CBFA2T2: variants seen among roughly 807,000 people sequenced by gnomAD.
The protein encoded by CBFA2T2 is protein CBFA2T2.
CBFA2T2 carries 11 observed loss-of-function variants against 62.2 expected under a neutral mutation model. That is an observed-to-expected ratio of 0.18 (90% CI 0.11 to 0.29). The LOEUF is 0.29. CBFA2T2 is among the 10% of genes least tolerant of loss of function. The pLI, the probability that CBFA2T2 is intolerant of heterozygous loss-of-function variation, is 1.00. For missense variants in CBFA2T2, 592 were observed against 774.1 expected, an observed-to-expected ratio of 0.76 and a Z score of 2.79; for synonymous variants, 295 against 287.5, an observed-to-expected ratio of 1.03 and a Z score of -0.27.
At chr20:33,614,904 G>A (rs1473381887) in intron 3 of CBFA2T2, among the ~76,000 whole-genome samples, 1 of 152,184 alleles carries the variant, frequency 6.6e-6, no homozygotes, top group African/African-American at 2.4e-5. Context: ...CCAGCCAGTG[G>A]CCCAACCTTA....
chr20:33,635,019 T>G (rs897739967), intron 8 of CBFA2T2, among the ~76,000 whole-genome samples: 16 of 152,192 alleles, frequency 1.1e-4, no homozygotes, highest in African/African-American at 3.6e-4. Context: ...AAATCATGAA[T>G]TTCAAAAAGA....
chr20:33,556,755 A>G (rs2012906836), intron 1 of CBFA2T2, among the ~76,000 whole-genome samples: 1 of 152,082 alleles, frequency 6.6e-6, no homozygotes, highest in African/African-American at 2.4e-5. Flanking sequence ...TTCTAATTCC[A>G]TCATTGTTTC....
At chr20:33,509,556 G>A (rs1444009459) in intron 1 of CBFA2T2, among the ~76,000 whole-genome samples, 14 of 151,992 alleles carry the variant, frequency 9.2e-5, no homozygotes, top group Admixed American at 2.6e-4. Context: ...GGCTGGGCAC[G>A]GTGGCTCACA....
chr20:33,594,622 A>G (rs1163284430), intron 1 of CBFA2T2, among the ~76,000 whole-genome samples: 1 of 152,144 alleles, frequency 6.6e-6, no homozygotes, highest in East Asian at 1.9e-4. Context: ...ATCGTAGGAA[A>G]GCCATTAACT....
chr20:33,577,842 A>T (rs1337571007), intron 1 of CBFA2T2, among the ~76,000 whole-genome samples: 4 of 152,216 alleles, frequency 2.6e-5, no homozygotes, highest in Non-Finnish European at 5.9e-5. Flanking sequence ...TCTTAGTGTC[A>T]TTTAAATAAG....
Position 33,559,193 on chromosome 20 carries a change from T to TTTTTTTTTTTTTTC in CBFA2T2, c.35-47763_35-47762insTTTTTTTTTTTTTC, listed in dbSNP as rs1555835221. Among the ~76,000 whole-genome samples the TTTTTTTTTTTTTTC allele has an allele frequency of 7.8e-4, 113 of 143,982 alleles. 2 individuals carry two copies. Among genetic ancestry groups the TTTTTTTTTTTTTTC allele is most frequent in the African/African-American group, 3.0e-3 (110 of 36,418 alleles). The allele number at this position is 143,982 out of a possible 152,430, so 94.5% of individuals were successfully genotyped here. On this transcript the variant is annotated intron_variant, in intron 1 of 10. Transcript: ENST00000342704. ...CTTTCTTTTTTTTTTTTTTTTTTTT[T>TTTTTTTTTTTTTTC]CTGAGATGGAGTGTCACTCTGTCAC...
chr20:33,545,439 CTCTTTCTTTCTTTCTT>C (rs142619958), intron 1 of CBFA2T2, among the ~76,000 whole-genome samples: 21 of 148,146 alleles, frequency 1.4e-4, no homozygotes, highest in Non-Finnish European at 2.5e-4. Flanking sequence ...CTCTTTCTTT[CTCTTTCTTTCTTTCTT>C]TCTTTCTTTC....
intron 8 of CBFA2T2, among the ~76,000 whole-genome samples, chr20:33,630,387 GATGT>G (rs2016404799): frequency 6.6e-6 from 1 of 152,326 alleles, no homozygotes; most frequent in African/African-American, 2.4e-5. Flanking sequence ...AGCCTGGCTG[GATGT>G]ATGTACTAGG....
At chr20:33,635,178 G>A (rs2016592309) in intron 8 of CBFA2T2, among the ~76,000 whole-genome samples, 1 of 152,200 alleles carries the variant, frequency 6.6e-6, no homozygotes, top group Non-Finnish European at 1.5e-5. Context: ...ATCATTGAAA[G>A]TTAGAAGACA....
chr20:33,516,166 A>G (rs1179070696), intron 1 of CBFA2T2, among the ~76,000 whole-genome samples: 1 of 151,918 alleles, frequency 6.6e-6, no homozygotes, highest in East Asian at 1.9e-4. Context: ...AAAATGAACA[A>G]TAATTTAAAA....
At position 33,503,259 on chromosome 20, in the gene CBFA2T2, T is replaced by C. The variant is rs1295608699; in HGVS notation, c.34+12958T>C. Among the ~76,000 whole-genome samples the C allele has an allele frequency of 4.8e-3, 673 of 141,108 alleles. 5 individuals are homozygous for C. Among genetic ancestry groups the C allele is most frequent in the Middle Eastern group, 0.018 (5 of 280 alleles). 92.6% of individuals were successfully genotyped at this position (141,108 alleles called of 152,430 possible). A position where few individuals can be genotyped will look rare whatever the true frequency, so the allele number is the denominator to read the frequency against. On this transcript the variant is annotated intron_variant, in intron 1 of 10. Transcript: ENST00000342704. ...CTAAATTTCTTTCTTTCTTTCTTTT[T>C]TTTTTTTTTTTTTGAGATGGAGTCT...
At chr20:33,545,508 G>A (rs1262573619) in intron 1 of CBFA2T2, among the ~76,000 whole-genome samples, 2 of 132,970 alleles carry the variant, frequency 1.5e-5, no homozygotes, top group African/African-American at 6.4e-5. Context: ...GAGTGCAATG[G>A]CACGATCTCG....
intron 8 of CBFA2T2, among the ~76,000 whole-genome samples, chr20:33,632,636 GTT>G (rs1260741221): frequency 7.0e-6 from 1 of 142,908 alleles, no homozygotes. Context: ...ACCCGGCTGA[GTT>G]TTTTTTTTTT....
intron 3 of CBFA2T2, among the ~76,000 whole-genome samples, chr20:33,614,819 G>T (rs898257512): frequency 6.6e-6 from 1 of 152,090 alleles, no homozygotes; most frequent in Non-Finnish European, 1.5e-5. Context: ...GGACACATGG[G>T]TTGCTGCCAC....
intron 1 of CBFA2T2, among the ~76,000 whole-genome samples, chr20:33,566,581 G>A (rs1240862930): frequency 6.6e-6 from 1 of 151,474 alleles, no homozygotes; most frequent in Non-Finnish European, 1.5e-5. Flanking sequence ...ACTCCAGCTT[G>A]GGCAACAGAG....
chr20:33,491,968 C>G (rs185772712), intron 1 of CBFA2T2, among the ~76,000 whole-genome samples: 57 of 152,074 alleles, frequency 3.7e-4, no homozygotes, highest in African/African-American at 1.3e-3. Context: ...GCAACCTCCC[C>G]CCGCCCCAGG....
intron 1 of CBFA2T2, among the ~76,000 whole-genome samples, chr20:33,509,244 G>A (rs2011461429): frequency 6.6e-6 from 1 of 152,048 alleles, no homozygotes; most frequent in African/African-American, 2.4e-5. Context: ...GCACACACCT[G>A]TAGTCCTAGC....
chr20:33,521,169 C>T (rs1158364621), intron 1 of CBFA2T2, among the ~76,000 whole-genome samples: 1 of 152,072 alleles, frequency 6.6e-6, no homozygotes, highest in Non-Finnish European at 1.5e-5. Context: ...TCTTATTTCT[C>T]ATATTCTGTT....
intron 1 of CBFA2T2, among the ~76,000 whole-genome samples, chr20:33,522,628 A>G (rs912166646): frequency 1.3e-5 from 2 of 152,118 alleles, no homozygotes; most frequent in East Asian, 3.8e-4. Context: ...TGTAGTCCCA[A>G]CCTACTTGGG....
Sources: allele counts gnomAD v4.1 joint callset (sites outside exome capture counted in the v4.1 genomes callset), GRCh38; gene constraint gnomAD v4.1.1; transcripts MANE v1.5; gene names NCBI Gene and HGNC (gene_info 2026-07-23, HGNC 2026-07-21).